The following DNAH3 variants were observed in gnomAD, a reference collection of about 807,000 sequenced individuals.
The protein encoded by DNAH3 is axonemal beta dynein heavy chain 3.
Under a neutral mutation model 432.5 loss-of-function variants are expected in DNAH3, and 332 were observed. That is an observed-to-expected ratio of 0.77 (90% CI 0.70 to 0.84). The LOEUF is 0.84. Among genes scored for constraint, DNAH3 ranks in the 40% least tolerant of loss-of-function variants. The pLI, the probability that DNAH3 is intolerant of heterozygous loss-of-function variation, is 0.00. For missense variants in DNAH3, 4,861 were observed against 5,114.0 expected, an observed-to-expected ratio of 0.95 and a Z score of 1.51; for synonymous variants, 1,956 against 1,900.2, an observed-to-expected ratio of 1.03 and a Z score of -0.76.
intron 53 of DNAH3, among the ~76,000 whole-genome samples, chr16:20,961,460 G>A (rs902425515): frequency 2.0e-5 from 3 of 151,846 alleles, no homozygotes; most frequent in Admixed American, 1.3e-4. Context: ...AAACTTGCAC[G>A]TTGTGCACAT....
chr16:21,137,525 C>A (rs185414302), intron 5 of DNAH3, among the ~76,000 whole-genome samples: 16 of 151,782 alleles, frequency 1.1e-4, no homozygotes, highest in Admixed American at 6.6e-4. Flanking sequence ...CGGGTTCAAG[C>A]AATTCTCCTG....
chr16:21,151,378 T>C (rs2152836543), intron 1 of DNAH3, among the ~76,000 whole-genome samples: 1 of 149,556 alleles, frequency 6.7e-6, no homozygotes, highest in South Asian at 2.1e-4. Context: ...TGCAGTGCAG[T>C]GGCGTGATCT....
intron 41 of DNAH3, among the ~76,000 whole-genome samples, chr16:21,005,213 CCTT>C (rs2087227463): frequency 6.6e-6 from 1 of 150,664 alleles, no homozygotes; most frequent in African/African-American, 2.4e-5. Context: ...TTCCCTCTCT[CCTT>C]CTGTATTTCC....
At chr16:20,952,678 C>G (rs532924294) in intron 55 of DNAH3, 129 bp from the exon 56 acceptor site, 1 of 638,308 alleles carries the variant, frequency 1.6e-6, no homozygotes, top group Non-Finnish European at 2.9e-6. Flanking sequence ...TATCAAGCAC[C>G]GAGGCCAACT....
chr16:21,027,097 T>C (rs1322527064), exon 38 of DNAH3: 1 of 1,613,758 alleles, frequency 6.2e-7, no homozygotes, highest in Non-Finnish European at 8.5e-7. Flanking sequence ...TTGGAGTTCA[T>C]CTGGATAATT....
Position 21,014,233 on chromosome 16 carries a change from CA to C in DNAH3, c.6022+5390del, listed in dbSNP as rs139022964. Among the ~76,000 whole-genome samples the C allele has an allele frequency of 2.0e-3, 305 of 152,272 alleles. 1 individual carries two copies. The highest frequency in any genetic ancestry group is 6.7e-3 in the African/African-American group (279 of 41,562). On this transcript the variant is annotated intron_variant, in intron 41 of 61. Transcript: ENST00000261383. ...CCAACAACATATGAAAAGTATTACA[CA>C]CCACAATCAAGTGATATTTATTCCA...
exon 60 of DNAH3, chr16:20,936,816 C>A (rs1276099450): frequency 6.2e-7 from 1 of 1,613,422 alleles, no homozygotes; most frequent in Non-Finnish European, 8.5e-7. Context: ...ATGGCTCGGC[C>A]AAGATTGATG....
intron 18 of DNAH3, among the ~76,000 whole-genome samples, chr16:21,091,757 A>G (rs1032526696): frequency 1.3e-5 from 2 of 152,172 alleles, no homozygotes; most frequent in Non-Finnish European, 2.9e-5. Flanking sequence ...TGGAGGTTGT[A>G]GTGAGCCAAG....
chr16:21,112,205 C>T, intron 12 of DNAH3, 107 bp from the exon 13 acceptor site: 1 of 744,860 alleles, frequency 1.3e-6, no homozygotes, highest in Non-Finnish European at 2.2e-6. Context: ...AAATGTAGCC[C>T]AAGCCAGGAA....
chr16:20,967,647 C>A (rs2085124796), intron 52 of DNAH3, among the ~76,000 whole-genome samples: 1 of 151,690 alleles, frequency 6.6e-6, no homozygotes. Context: ...GGATTAGGCA[C>A]ACACCACTAT....
intron 50 of DNAH3, among the ~76,000 whole-genome samples, chr16:20,975,655 T>G (rs2085554003): frequency 6.6e-6 from 1 of 152,238 alleles, no homozygotes. Context: ...GACATATAAT[T>G]GTAAACTAAA....
At chr16:21,060,272 A>C in exon 26 of DNAH3, 2 of 1,613,738 alleles carry the variant, frequency 1.2e-6, no homozygotes, top group Non-Finnish European at 1.7e-6. Context: ...ACCTTGACAT[A>C]TGCTTCAATC....
intron 5 of DNAH3, among the ~76,000 whole-genome samples, chr16:21,140,021 G>A (rs1169845517): frequency 1.3e-5 from 2 of 151,092 alleles, no homozygotes; most frequent in African/African-American, 4.9e-5. Flanking sequence ...CTGACCTCAA[G>A]TGATCCACCT....
rs1475640624 is a variant in DNAH3 at position 20,980,229 on chromosome 16, TTTA to T, written c.7860-686_7860-684del. Reference sequence around the variant, plus strand: ...TTATTTATATTATTTATATTATTTATTTATATTATATATATAATATACATCATA... The same window carrying T: ...TTATTTATATTATTTATATTATTTATTATTATATATATAATATACATCATA... On this transcript the variant is annotated intron_variant, in intron 49 of 61. Coordinates refer to ENST00000261383, the Ensembl canonical transcript of DNAH3. Among the ~76,000 whole-genome samples, 5 of 103,866 alleles carry T rather than the reference TTTA, an allele frequency of 4.8e-5. No homozygotes were observed. In the East Asian group the frequency reaches 1.3e-3, roughly 27 times the overall value. The allele number at this position is 103,866 out of a possible 152,430, so 68.1% of individuals were successfully genotyped here. A position where few individuals can be genotyped will look rare whatever the true frequency, so the allele number is the denominator to read the frequency against.
chr16:21,033,517 T>C (rs1343687094), intron 36 of DNAH3, among the ~76,000 whole-genome samples: 3 of 151,988 alleles, frequency 2.0e-5, no homozygotes, highest in African/African-American at 7.3e-5. Context: ...CTGAGTCTGA[T>C]TCAAAAGCAG....
At chr16:21,031,325 G>A in intron 36 of DNAH3, 39 bp from the exon 37 acceptor site, 1 of 1,610,310 alleles carries the variant, frequency 6.2e-7, no homozygotes, top group Non-Finnish European at 8.5e-7. Flanking sequence ...AAAGGCTCTG[G>A]TGAGACCAGA....
intron 1 of DNAH3, among the ~76,000 whole-genome samples, chr16:21,158,987 C>A (rs185669864): frequency 4.6e-5 from 7 of 151,762 alleles, no homozygotes; most frequent in African/African-American, 1.5e-4. Flanking sequence ...TGCACACTCA[C>A]CCCGCCACCC....
chr16:21,116,210 C>G (rs2092195641), intron 12 of DNAH3, among the ~76,000 whole-genome samples: 1 of 152,034 alleles, frequency 6.6e-6, no homozygotes, highest in African/African-American at 2.4e-5. Context: ...ACTTTGGAAG[C>G]TATTTACAGG....
intron 25 of DNAH3, among the ~76,000 whole-genome samples, chr16:21,061,875 G>A (rs550025046): frequency 6.6e-6 from 1 of 152,316 alleles, no homozygotes; most frequent in Non-Finnish European, 1.5e-5. Context: ...TCAGGTGCTT[G>A]TAAGCTAGCT....
Sources: gnomAD v4.1 joint callset for allele counts (sites outside exome capture counted in the v4.1 genomes callset) on GRCh38, gnomAD v4.1.1 for gene constraint, MANE v1.5 for transcripts, NCBI Gene and HGNC (gene_info 2026-07-23, HGNC 2026-07-21) for gene names.